The following CACNA1C variants were observed in gnomAD, a reference collection of about 807,000 sequenced individuals.
CACNA1C encodes calcium voltage-gated channel subunit alpha1 C, also known as voltage-dependent L-type calcium channel subunit alpha-1C.
Under a neutral mutation model 229.0 loss-of-function variants are expected in CACNA1C, and 30 were observed. The observed-to-expected ratio is 0.13, with a 90% CI of 0.10 to 0.18. The LOEUF (loss-of-function observed/expected upper bound fraction) is 0.18. Ranked by LOEUF, CACNA1C falls within the 10% of genes least tolerant of loss-of-function variation. The pLI is 1.00. For missense variants in CACNA1C, 1,658 were observed against 2,845.0 expected, an observed-to-expected ratio of 0.58 and a Z score of 9.49; for synonymous variants, 1,114 against 1,132.5, an observed-to-expected ratio of 0.98 and a Z score of 0.33.
intron 3 of CACNA1C, among the ~76,000 whole-genome samples, chr12:2,374,429 G>T (rs2097969551): frequency 6.6e-6 from 1 of 152,172 alleles, no homozygotes; most frequent in African/African-American, 2.4e-5. Context: ...GGGTGTTATT[G>T]TTCGTAACTC....
chr12:2,381,779 C>T (rs867847189), intron 3 of CACNA1C, among the ~76,000 whole-genome samples: 21 of 152,212 alleles, frequency 1.4e-4, no homozygotes, highest in Admixed American at 6.5e-5. Flanking sequence ...TCAGAGCAAT[C>T]GGCAGCATTT....
At position 2,566,780 on chromosome 12, in the gene CACNA1C, A is replaced by C. The variant is rs561217946; in HGVS notation, c.1669+198A>C. ...TAAAATGCGCTACCTTGTTAAAAAC[A>C]GACACGGCTCTCCTGACTGGGCCCA... is the stretch of plus-strand genomic sequence containing the variant. On this transcript the variant is annotated intron_variant, in intron 12 of 46. Transcript: ENST00000399655. This position sits in a 1 kb window ranked among gnomAD's most constrained non-coding sequence, Gnocchi z 4.0. 6.4e-4 allele frequency among the ~76,000 whole-genome samples: 98 copies of C among 152,340 alleles called. No individual in the cohort carries two copies. Among genetic ancestry groups the C allele is most frequent in the Non-Finnish European group, 1.0e-3 (70 of 68,030 alleles).
intron 3 of CACNA1C, among the ~76,000 whole-genome samples, chr12:2,272,458 A>G (rs965458701): frequency 1.3e-5 from 2 of 152,182 alleles, no homozygotes; most frequent in East Asian, 3.9e-4. Flanking sequence ...CAAGCAGCCT[A>G]TTGCTTTCTC....
intron 3 of CACNA1C, among the ~76,000 whole-genome samples, chr12:2,150,436 A>G (rs567569354): frequency 2.6e-5 from 4 of 152,262 alleles, no homozygotes. Flanking sequence ...GATAAGCTTC[A>G]TGCACCCAGA....
At chr12:2,221,337 A>C (rs2061422694) in intron 3 of CACNA1C, among the ~76,000 whole-genome samples, 1 of 152,192 alleles carries the variant, frequency 6.6e-6, no homozygotes, top group African/African-American at 2.4e-5. Context: ...GGAGGGAATG[A>C]GAAACTGGTT....
At chr12:2,518,563 GC>G (rs2099802868) in intron 9 of CACNA1C, among the ~76,000 whole-genome samples, 1 of 150,844 alleles carries the variant, frequency 6.6e-6, no homozygotes, top group African/African-American at 2.4e-5. Flanking sequence ...AGCCGAGATC[GC>G]GCCACTGCAC....
intron 11 of CACNA1C, among the ~76,000 whole-genome samples, chr12:2,563,065 C>T (rs2048343355): frequency 6.6e-6 from 1 of 152,206 alleles, no homozygotes; most frequent in African/African-American, 2.4e-5. Flanking sequence ...CATCATTCTA[C>T]TCTCTGTATC....
chr12:2,005,815 C>T (rs554036457), intron 1 of CACNA1C, among the ~76,000 whole-genome samples: 28 of 152,264 alleles, frequency 1.8e-4, no homozygotes, highest in African/African-American at 6.7e-4. Flanking sequence ...TTTAATGTAA[C>T]AGTATGAAAA....
At chr12:2,371,502 T>G (rs889448305) in intron 3 of CACNA1C, among the ~76,000 whole-genome samples, 12 of 152,170 alleles carry the variant, frequency 7.9e-5, no homozygotes, top group Non-Finnish European at 1.6e-4. Flanking sequence ...CCATAGTTTC[T>G]GATTCCGCAG....
At chr12:2,316,619 T>C (rs754468448) in intron 3 of CACNA1C, among the ~76,000 whole-genome samples, 2 of 152,332 alleles carry the variant, frequency 1.3e-5, no homozygotes, top group Non-Finnish European at 1.5e-5. Flanking sequence ...GAATAGCATG[T>C]ATATGGTCAC....
intron 1 of CACNA1C, among the ~76,000 whole-genome samples, chr12:2,016,645 G>T (rs746468163): frequency 3.9e-5 from 6 of 152,138 alleles, no homozygotes; most frequent in Admixed American, 3.9e-4. Context: ...GGCCAGGCTG[G>T]TCTCAAACTC....
chr12:2,410,562 C>G lies in CACNA1C; in HGVS notation c.478-38414C>G, dbSNP rs2098795202. 6.6e-6 allele frequency among the ~76,000 whole-genome samples: 1 copy of G among 152,118 alleles called. No individual in the cohort carries two copies. The highest frequency in any genetic ancestry group is 1.5e-5 in the Non-Finnish European group (1 of 68,034). The stretch of plus-strand genomic sequence containing the variant: ...GCTTGGAGTAAAAAGCATCTGGACC[C>G]TGTGCATGTGCGTGTGCATGCGTGT... On this transcript the variant is annotated intron_variant, in intron 3 of 46. Coordinates refer to ENST00000399655, the MANE Select transcript of CACNA1C (RefSeq NM_000719.7). This position sits in a 1 kb window ranked among gnomAD's most constrained non-coding sequence, Gnocchi z 5.3.
chr12:2,445,369 C>T lies in CACNA1C; in HGVS notation c.478-3607C>T, dbSNP rs768054640. On this transcript the variant is annotated intron_variant, in intron 3 of 46. Transcript: ENST00000399655. Reference sequence around the variant, plus strand: ...TTGAGGTCTGTTTCTGAGACTTTTTCCTCAAGTCTCCAGCACCCAACACTT... The same window carrying T: ...TTGAGGTCTGTTTCTGAGACTTTTTTCTCAAGTCTCCAGCACCCAACACTT... Among the ~76,000 whole-genome samples, 104 of 152,296 alleles carry T rather than the reference C, an allele frequency of 6.8e-4. 2 individuals carry two copies. The highest frequency in any genetic ancestry group is 8.2e-4 in the Non-Finnish European group (56 of 68,032).
chr12:2,468,908 C>T (rs1055215969), intron 5 of CACNA1C, among the ~76,000 whole-genome samples: 1 of 152,190 alleles, frequency 6.6e-6, no homozygotes, highest in Non-Finnish European at 1.5e-5. Context: ...AGATGCCTGC[C>T]GTGCTCACCT....
chr12:2,527,619 T>C (rs2099822331), intron 9 of CACNA1C, among the ~76,000 whole-genome samples: 1 of 152,150 alleles, frequency 6.6e-6, no homozygotes, highest in South Asian at 2.1e-4. Flanking sequence ...CAAGAAGAAA[T>C]TAAGGACTCC....
chr12:2,203,445 C>T (rs2097658209), intron 3 of CACNA1C, among the ~76,000 whole-genome samples: 1 of 152,252 alleles, frequency 6.6e-6, no homozygotes, highest in Non-Finnish European at 1.5e-5. Context: ...CTTTTACCTG[C>T]ATTCAATTAC....
chr12:2,432,257 C>A (rs530448107), intron 3 of CACNA1C, among the ~76,000 whole-genome samples: 26 of 152,262 alleles, frequency 1.7e-4, no homozygotes, highest in African/African-American at 6.3e-4. Flanking sequence ...TTTTAGGGGG[C>A]ATGTGGTCGG....
intron 1 of CACNA1C, among the ~76,000 whole-genome samples, chr12:2,026,551 A>G (rs1007139007): frequency 1.3e-5 from 2 of 152,242 alleles, no homozygotes; most frequent in Non-Finnish European, 1.5e-5. Flanking sequence ...AACACATTTA[A>G]GAGACACTGA....
chr12:2,370,817 G>T (rs532987898), intron 3 of CACNA1C, among the ~76,000 whole-genome samples: 84 of 152,330 alleles, frequency 5.5e-4, no homozygotes, highest in Middle Eastern at 6.8e-3. Flanking sequence ...CCCAGGCTTG[G>T]TGTTGTGATT....
Sources: gnomAD v4.1 joint callset for allele counts (sites outside exome capture counted in the v4.1 genomes callset) on GRCh38, gnomAD v4.1.1 for gene constraint, Gnocchi (gnomAD v3.1) non-coding constraint, MANE v1.5 for transcripts, NCBI Gene and HGNC (gene_info 2026-07-23, HGNC 2026-07-21) for gene names.